KAZN: variants seen among roughly 807,000 people sequenced by gnomAD.
KAZN encodes the protein kazrin.
In KAZN, 40 loss-of-function variants were observed where a neutral mutation model predicts 87.4. The ratio of observed to expected loss-of-function variants is 0.46; its 90% CI spans 0.36 to 0.60. The LOEUF (loss-of-function observed/expected upper bound fraction) is 0.60. Among genes scored for constraint, KAZN ranks in the 20% least tolerant of loss-of-function variants. KAZN has a pLI of 0.00. For missense variants in KAZN, 898 were observed against 1,073.9 expected, an observed-to-expected ratio of 0.84 and a Z score of 2.29; for synonymous variants, 466 against 458.3, an observed-to-expected ratio of 1.02 and a Z score of -0.22.
chr1:14,053,919 A>G (rs1338413830), intron 1 of KAZN, among the ~76,000 whole-genome samples: 1 of 152,208 alleles, frequency 6.6e-6, no homozygotes, highest in Non-Finnish European at 1.5e-5. Context: ...AAAGTAAGCT[A>G]GAGAAAAAAA....
At chr1:14,221,520 T>C (rs1647097594) in intron 2 of KAZN, among the ~76,000 whole-genome samples, 1 of 152,154 alleles carries the variant, frequency 6.6e-6, no homozygotes, top group Non-Finnish European at 1.5e-5. Context: ...GCATTAAAAC[T>C]CCTTAAAAAG....
intron 1 of KAZN, among the ~76,000 whole-genome samples, chr1:14,651,007 A>G (rs897676089): frequency 6.6e-6 from 1 of 152,226 alleles, no homozygotes; most frequent in African/African-American, 2.4e-5. Context: ...GACTTTCCTA[A>G]AACTCCATGA....
intron 1 of KAZN, among the ~76,000 whole-genome samples, chr1:14,751,835 T>C (rs990409986): frequency 3.9e-5 from 6 of 152,220 alleles, no homozygotes; most frequent in Non-Finnish European, 5.9e-5. Flanking sequence ...TCCTTCCCTA[T>C]AGATATGCCA....
rs79850653 is a variant in KAZN, at chr1:13,910,293, G to A, written c.91+16537G>A. On this transcript the variant is annotated intron_variant, in intron 1 of 16. Transcript: ENST00000636203. ...GGAGGCTGAGGTGAGTGGATCACGA[G>A]GTCAGGAGATCGAGACCATCCTGGC... Among the ~76,000 whole-genome samples the A allele has an allele frequency of 6.6e-3, 1,000 of 152,184 alleles. 69 individuals are homozygous for A. In the East Asian group the frequency reaches 0.13, roughly 19 times the overall value.
chr1:14,414,818 A>C (rs1664614583), intron 2 of KAZN, among the ~76,000 whole-genome samples: 1 of 152,130 alleles, frequency 6.6e-6, no homozygotes, highest in Admixed American at 6.5e-5. Context: ...TGAGGTCAGG[A>C]GTTCGAGACC....
chr1:14,948,529 G>A (rs560923608), intron 1 of KAZN, among the ~76,000 whole-genome samples: 16 of 152,230 alleles, frequency 1.1e-4, no homozygotes, highest in Non-Finnish European at 2.2e-4. Flanking sequence ...TAGCCAGACT[G>A]GGTCATATTT....
chr1:14,196,093 G>C (rs1229153674), intron 2 of KAZN, among the ~76,000 whole-genome samples: 1 of 152,156 alleles, frequency 6.6e-6, no homozygotes, highest in Admixed American at 6.5e-5. Context: ...CAGGTGTCAA[G>C]GCCCTGAGTC....
intron 2 of KAZN, among the ~76,000 whole-genome samples, chr1:14,530,152 C>T (rs1263834982): frequency 1.3e-5 from 2 of 152,140 alleles, no homozygotes; most frequent in Non-Finnish European, 2.9e-5. Context: ...GTAGAGAGAC[C>T]ACCTTCCCCC....
intron 1 of KAZN, among the ~76,000 whole-genome samples, chr1:13,942,933 T>C (rs1034201013): frequency 4.6e-5 from 7 of 152,080 alleles, no homozygotes; most frequent in African/African-American, 1.4e-4. Context: ...GTAACCTACA[T>C]AGTGAAGCAT....
intron 2 of KAZN, among the ~76,000 whole-genome samples, chr1:14,429,786 G>A (rs962507802): frequency 1.3e-5 from 2 of 152,110 alleles, no homozygotes; most frequent in Admixed American, 6.6e-5. Context: ...TCATCATCCC[G>A]ACGTCATCGT....
intron 2 of KAZN, among the ~76,000 whole-genome samples, chr1:14,456,238 GTTC>G (rs1165950524): frequency 6.6e-6 from 1 of 152,180 alleles, no homozygotes; most frequent in Non-Finnish European, 1.5e-5. Context: ...GAGCATCAGT[GTTC>G]TTCTACTTCC....
Position 14,181,651 on chromosome 1 carries a change from C to G in KAZN, c.249+1059C>G, listed in dbSNP as rs376124406. Among the ~76,000 whole-genome samples the G allele has an allele frequency of 7.0e-4, 107 of 152,234 alleles. 2 individuals are homozygous for G. Among genetic ancestry groups the G allele is most frequent in the African/African-American group, 2.4e-3 (101 of 41,538 alleles). ...GCCTTTCATTCCTATTCACGGTTCTCCTGCTCTCCTTCATTATAAACAGCC... is the reference window on the plus strand; with the variant it reads ...GCCTTTCATTCCTATTCACGGTTCTGCTGCTCTCCTTCATTATAAACAGCC... On this transcript the variant is annotated intron_variant, in intron 2 of 16. Coordinates refer to the KAZN transcript ENST00000636203.
intron 2 of KAZN, among the ~76,000 whole-genome samples, chr1:14,278,926 CTTTTTT>C (rs77998358): frequency 0.45 from 44,069 of 98,236 alleles, 7,487 homozygotes; most frequent in Middle Eastern, 0.51. Context: ...TCAAATTCAG[CTTTTTT>C]TTTTTTTTTT....
In KAZN at chr1:14,859,365, T is replaced by TG. The variant is rs138872024; in HGVS notation, c.227-101316dup. Among the ~76,000 whole-genome samples the TG allele has an allele frequency of 3.8e-3, 585 of 152,160 alleles. 7 individuals carry two copies. The highest frequency in any genetic ancestry group is 0.013 in the African/African-American group (558 of 41,502). On this transcript the variant is annotated intron_variant, in intron 1 of 14. Coordinates refer to ENST00000376030, the MANE Select transcript of KAZN (RefSeq NM_201628.3). ...CATTTCACAGATGAGAAATCAGAGG[T>TG]GGGTGACTGGCCCACGGTCACGCAG...
chr1:14,859,192 C>T (rs1332203114), intron 1 of KAZN, among the ~76,000 whole-genome samples: 1 of 148,152 alleles, frequency 6.7e-6, no homozygotes, highest in Admixed American at 6.7e-5. Context: ...GCCTGGGTGA[C>T]AGAGCGAGAC....
At chr1:14,593,319 C>A (rs998724209) in intron 2 of KAZN, among the ~76,000 whole-genome samples, 9 of 152,188 alleles carry the variant, frequency 5.9e-5, no homozygotes, top group Non-Finnish European at 1.3e-4. Context: ...ACCACAAACT[C>A]TTTGGAGAAG....
intron 2 of KAZN, among the ~76,000 whole-genome samples, chr1:14,502,203 T>C (rs956749185): frequency 6.6e-6 from 1 of 152,174 alleles, no homozygotes; most frequent in Non-Finnish European, 1.5e-5. Flanking sequence ...TGTTCCAGTA[T>C]GTAATGAAAT....
intron 2 of KAZN, among the ~76,000 whole-genome samples, chr1:15,020,580 C>T (rs79328510): frequency 0.02 from 3,086 of 152,260 alleles, 36 homozygotes; most frequent in South Asian, 0.043. Flanking sequence ...CCGTGTGGCT[C>T]TTCTGCGTCA....
exon 2 of KAZN, chr1:14,180,511 C>T (rs1282300741): frequency 6.5e-7 from 1 of 1,550,132 alleles, no homozygotes; most frequent in Non-Finnish European, 8.7e-7. Context: ...TGGAGGAGGA[C>T]AAAGACCCTT....
Sources: gnomAD v4.1 joint callset for allele counts (sites outside exome capture counted in the v4.1 genomes callset) on GRCh38, gnomAD v4.1.1 for gene constraint, MANE v1.5 for transcripts, NCBI Gene and HGNC (gene_info 2026-07-23, HGNC 2026-07-21) for gene names.